ZNF358: variants seen among roughly 807,000 people sequenced by gnomAD.
ZNF358 encodes zinc finger protein 358.
A neutral mutation model predicts 2.1 loss-of-function variants in ZNF358; 1 was observed. The observed-to-expected ratio is 0.49, with a 90% CI of 0.17 to 2.30. The LOEUF is 2.30. ZNF358 is among the 30% of genes most tolerant of loss of function. ZNF358 has a pLI of 0.26. For missense variants in ZNF358, 665 were observed against 806.8 expected (o/e 0.82, Z 2.13); for synonymous variants, 381 against 359.7 (o/e 1.06, Z -0.67).
At position 7,519,403 on chromosome 19, in the gene ZNF358, C is replaced by T. The variant is rs781061345; in HGVS notation, c.161C>T (p.Pro54Leu). 6.2e-7 allele frequency: 1 copy of T among 1,614,078 alleles called. No individual in the cohort carries two copies. Among genetic ancestry groups the T allele is most frequent in the Non-Finnish European group, 8.5e-7 (1 of 1,180,016 alleles). ...EPDPEDLNTV[P>L]EDVDPSYEDL... ...GATCCTGAAGACCTCAACACTGTCC[C>T]GGAAGACGTGGACCCCAGCTATGAA... Residue 54 changes from proline to leucine, a missense_variant, in exon 2 of 2, where the codon CCG becomes CTG. Pro to Leu is a moderately conservative substitution (Grantham distance 98). Transcript: ENST00000597229.
chr19:7,519,355 C>T lies in ZNF358; in HGVS notation c.113C>T (p.Pro38Leu), dbSNP rs750013885. 4 of 1,613,518 alleles carry T rather than the reference C, an allele frequency of 2.5e-6. No individual in the cohort carries two copies. Among genetic ancestry groups the T allele is most frequent in the South Asian group, 2.2e-5 (2 of 91,068 alleles). The change falls in exon 2 of 2, where the codon CCG becomes CTG. Residue 38 changes from proline to leucine, a missense_variant. Physicochemically the swap from Pro to Leu is moderately conservative, Grantham distance 98. Transcript: ENST00000597229. ...DLDPNPEDLD[P>L]VSEDPEPDPE... is the part of the protein sequence containing the mutation. ...GACCCCAATCCTGAAGATCTGGACC[C>T]GGTTTCTGAAGACCCAGAGCCTGAT...
chr19:7,518,557 G>GAGAAAGAAAGAAAGAA (rs3029872), intron 1 of ZNF358, among the ~76,000 whole-genome samples: 16,962 of 115,798 alleles, frequency 0.15, 1,559 homozygotes, highest in South Asian at 0.19. Context: ...GAGAGAGAGA[G>GAGAAAGAAAGAAAGAA]AGAAAGAAAG....
At chr19:7,514,649 T>C (rs779056376), upstream of ZNF358, among the ~76,000 whole-genome samples, 77 of 152,246 alleles carry the variant, frequency 5.1e-4, no homozygotes, top group Non-Finnish European at 8.5e-4. Context: ...GTTTTTGTTT[T>C]TGAGACGGAG....
intron 1 of ZNF358, among the ~76,000 whole-genome samples, chr19:7,517,988 A>C (rs1004075472): frequency 3.3e-5 from 5 of 152,246 alleles, no homozygotes; most frequent in Non-Finnish European, 5.9e-5. Context: ...AATTCAGGCC[A>C]TGTGCTCAGG....
At chr19:7,517,164 T>G (rs1000534662) in intron 1 of ZNF358, among the ~76,000 whole-genome samples, 14 of 152,098 alleles carry the variant, frequency 9.2e-5, no homozygotes, top group African/African-American at 3.1e-4. Context: ...TCCCGGCAGG[T>G]CATCCTGGGC....
chr19:7,519,764 C>T lies in ZNF358; in HGVS notation c.522C>T (p.Ser174=). 1.3e-6 allele frequency: 2 copies of T among 1,524,646 alleles called. No individual in the cohort carries two copies. Among genetic ancestry groups the T allele is most frequent in the Non-Finnish European group, 1.8e-6 (2 of 1,142,716 alleles). The allele number at this position is 1,524,646 out of a possible 1,614,324, so 94.4% of individuals were successfully genotyped here. Residue 174 remains serine, a synonymous_variant, in exon 2 of 2, where the codon AGC becomes AGT. Coordinates refer to ENST00000597229, the MANE Select transcript of ZNF358 (RefSeq NM_018083.5). ...SGLSQHRRTH[S]GEKPYRCPDC... The stretch of plus-strand genomic sequence containing the variant: ...TGAGCCAGCATCGCCGCACGCACAG[C>T]GGCGAGAAGCCGTACCGCTGCCCCG...
Position 7,519,670 on chromosome 19 carries a change from C to T in ZNF358, c.428C>T (p.Ala143Val), listed in dbSNP as rs755139114. ...GCCACCAGCCCCGCGGTGCTCCCCG[C>T]CCCCGCCAGCCCGCCCCGGCCCTTC... ...VLATSPAVLP[A>V]PASPPRPFSC... The change falls in exon 2 of 2, where the codon GCC becomes GTC. Residue 143 changes from alanine to valine, a missense_variant. By Grantham distance (64) the Ala-to-Val change is moderately conservative. This residue lies in a region of ZNF358 where 206 missense variants were observed against 228.4 expected (regional missense o/e 0.90). Transcript: ENST00000597229. 6.4e-6 allele frequency: 10 copies of T among 1,574,416 alleles called. No homozygotes were observed. The highest frequency in any genetic ancestry group is 5.3e-5 in the Admixed American group (3 of 57,088).
rs1384607605 is a variant in ZNF358 at position 7,516,794 on chromosome 19, C to A, written c.-39+545C>A. Among the ~76,000 whole-genome samples, 1 of 152,046 alleles carries A rather than the reference C, an allele frequency of 6.6e-6. No homozygotes were observed. Among genetic ancestry groups the A allele is most frequent in the Non-Finnish European group, 1.5e-5 (1 of 67,976 alleles). ...TGGAGGTGATCCAGGGGTCCACCTGCCCTCACCCCTGGGAACTCAGGAAAG... is the reference window on the plus strand; with the variant it reads ...TGGAGGTGATCCAGGGGTCCACCTGACCTCACCCCTGGGAACTCAGGAAAG... On this transcript the variant is annotated intron_variant, in intron 1 of 1. Transcript: ENST00000597229. The surrounding 1 kb of genome is among the most constrained non-coding windows in gnomAD (Gnocchi z 5.9).
At chr19:7,517,166 A>T (rs2022355068) in intron 1 of ZNF358, among the ~76,000 whole-genome samples, 2 of 152,068 alleles carry the variant, frequency 1.3e-5, no homozygotes, top group Admixed American at 6.5e-5. Context: ...CCGGCAGGTC[A>T]TCCTGGGCTC....
chr19:7,518,557 G>GAGAAAAGAA (rs2022385859), intron 1 of ZNF358, among the ~76,000 whole-genome samples: 1 of 116,066 alleles, frequency 8.6e-6, no homozygotes, highest in Non-Finnish European at 1.7e-5. Context: ...GAGAGAGAGA[G>GAGAAAAGAA]AGAAAGAAAG....
chr19:7,520,470 G>T lies in ZNF358; in HGVS notation c.1228G>T (p.Ala410Ser), dbSNP rs2022455598. 9.8e-7 allele frequency: 1 copy of T among 1,015,470 alleles called. No individual in the cohort carries two copies. Among genetic ancestry groups the T allele is most frequent in the African/African-American group, 1.8e-5 (1 of 55,582 alleles). 62.9% of individuals were successfully genotyped at this position (1,015,470 alleles called of 1,614,324 possible). ...AAAAAAAAAA[A>S]AAAAAAGLGL... is the part of the protein sequence containing the mutation. Reference sequence around the variant, plus strand: ...CGCTGCTGCAGCTGCCGCGGCCGCTGCAGCTGCAGCAGCGGCCGCCGGCCT... The same window carrying T: ...CGCTGCTGCAGCTGCCGCGGCCGCTTCAGCTGCAGCAGCGGCCGCCGGCCT... The change falls in exon 2 of 2, where the codon GCA becomes TCA. Residue 410 changes from alanine to serine, a missense_variant. Physicochemically the swap from Ala to Ser is moderately conservative, Grantham distance 99. Around this residue, in one of 3 missense-constraint regions of ZNF358, gnomAD observed 249 missense variants for 227.6 expected, o/e 1.09. Transcript: ENST00000597229. The surrounding 1 kb of genome is among the most constrained non-coding windows in gnomAD (Gnocchi z 6.0).
In ZNF358 at chr19:7,520,956, C is replaced by G. The variant is rs376630934; in HGVS notation, c.*7C>G. 2 of 1,610,026 alleles carry G rather than the reference C, an allele frequency of 1.2e-6. No individual in the cohort carries two copies. Among genetic ancestry groups the G allele is most frequent in the Admixed American group, 1.7e-5 (1 of 59,702 alleles). Reference sequence around the variant, plus strand: ...GCTGGGGCCTGATGGCTGAAGGAGACGCCGGCATCCTCGGGGGCCTGGGGA... The same window carrying G: ...GCTGGGGCCTGATGGCTGAAGGAGAGGCCGGCATCCTCGGGGGCCTGGGGA... On this transcript the variant is annotated 3_prime_UTR_variant, in exon 2 of 2. Transcript: ENST00000597229. The surrounding 1 kb of genome is among the most constrained non-coding windows in gnomAD (Gnocchi z 6.0).
Position 7,519,605 on chromosome 19 carries a change from C to A in ZNF358, c.363C>A (p.Asp121Glu). Residue 121 changes from aspartate (D) to glutamate (E), a missense_variant, in exon 2 of 2, where the codon GAC (aspartate) becomes GAA (glutamate). Physicochemically the swap from Asp to Glu is conservative, Grantham distance 45 (BLOSUM62 2). This residue lies in a region of ZNF358 where 206 missense variants were observed against 228.4 expected (regional missense o/e 0.90). Coordinates refer to ENST00000597229, the MANE Select transcript of ZNF358 (RefSeq NM_018083.5). ...DTLSPGDPKVDPISSGLTATP... is the reference protein window; with the variant it reads ...DTLSPGDPKVEPISSGLTATP... ...TCAGCCCCGGCGATCCAAAAGTGGACCCCATCTCCTCTGGCCTCACTGCCA... is the reference window on the plus strand; with the variant it reads ...TCAGCCCCGGCGATCCAAAAGTGGAACCCATCTCCTCTGGCCTCACTGCCA... 6.3e-7 allele frequency: 1 copy of A among 1,599,098 alleles called. No individual in the cohort carries two copies. Among genetic ancestry groups the A allele is most frequent in the South Asian group, 1.1e-5 (1 of 90,998 alleles).
intron 1 of ZNF358, 65 bp from the exon 2 acceptor site, chr19:7,519,140 T>C: frequency 6.9e-7 from 1 of 1,453,054 alleles, no homozygotes; most frequent in Non-Finnish European, 9.1e-7. Flanking sequence ...CTAACCAGAC[T>C]CCAAAAGACA....
chr19:7,518,557 G>GAGAAAGAAAGAAAGAAAAAGAA (rs1555740135), intron 1 of ZNF358, among the ~76,000 whole-genome samples: 5 of 116,066 alleles, frequency 4.3e-5, no homozygotes, highest in East Asian at 2.6e-4. Context: ...GAGAGAGAGA[G>GAGAAAGAAAGAAAGAAAAAGAA]AGAAAGAAAG....
Position 7,519,109 on chromosome 19 carries a change from A to G in ZNF358, c.-38-96A>G, listed in dbSNP as rs2022409176. The G allele has an allele frequency of 3.5e-6, 5 of 1,416,892 alleles. 1 individual carries two copies. The South Asian group carries it at 4.7e-5, about 13-fold the overall frequency. 87.8% of individuals were successfully genotyped at this position (1,416,892 alleles called of 1,614,324 possible). On this transcript the variant is annotated intron_variant, in intron 1 of 1. Coordinates refer to ENST00000597229, the MANE Select transcript of ZNF358 (RefSeq NM_018083.5). ...AAAAGAAGTGGGTTCTGGGGGCACAATCGGGTCCCGTCTCTCATCCCTAAC... is the reference window on the plus strand; with the variant it reads ...AAAAGAAGTGGGTTCTGGGGGCACAGTCGGGTCCCGTCTCTCATCCCTAAC...
chr19:7,514,906 C>T (rs1599242822), upstream of ZNF358, among the ~76,000 whole-genome samples: 2 of 152,340 alleles, frequency 1.3e-5, no homozygotes, highest in East Asian at 3.9e-4. Flanking sequence ...GCTGGGATTA[C>T]AGGCATGAGC....
chr19:7,518,557 G>GAGAAAGAAA (rs1555740137), intron 1 of ZNF358, among the ~76,000 whole-genome samples: 1 of 116,066 alleles, frequency 8.6e-6, no homozygotes, highest in Admixed American at 9.0e-5. Context: ...GAGAGAGAGA[G>GAGAAAGAAA]AGAAAGAAAG....
chr19:7,514,171 G>A (rs188313939), upstream of ZNF358, among the ~76,000 whole-genome samples: 5 of 152,328 alleles, frequency 3.3e-5, no homozygotes, highest in East Asian at 5.8e-4. Context: ...AACCCCAGAA[G>A]TAGAGTGAGA....
Sources: gnomAD v4.1 joint callset for allele counts (sites outside exome capture counted in the v4.1 genomes callset) on GRCh38, gnomAD v4.1.1 for gene constraint, gnomAD v4.1.1 regional missense constraint, Gnocchi (gnomAD v3.1) non-coding constraint, MANE v1.5 for transcripts, NCBI Gene and HGNC (gene_info 2026-07-23, HGNC 2026-07-21) for gene names.